Variants in RBFOX3 observed in about 807,000 individuals in gnomAD.
The protein encoded by RBFOX3 is RNA binding fox-1 homolog 3, also known as RNA binding protein fox-1 homolog 3.
A neutral mutation model predicts 48.7 loss-of-function variants in RBFOX3; 17 were observed. The ratio of observed to expected loss-of-function variants is 0.35; its 90% CI spans 0.24 to 0.52. The LOEUF (loss-of-function observed/expected upper bound fraction) is 0.52. Ranked by LOEUF, RBFOX3 falls within the 20% of genes least tolerant of loss-of-function variation. RBFOX3 has a pLI of 0.94. For missense variants in RBFOX3, 382 were observed against 497.5 expected (o/e 0.77, Z 2.21); for synonymous variants, 212 against 209.5 (o/e 1.01, Z -0.10).
At chr17:79,648,107 T>C in the RBFOX3 span, among the ~76,000 whole-genome samples, 3 of 152,170 alleles carry the variant, frequency 2.0e-5, no homozygotes, top group Non-Finnish European at 4.4e-5. Flanking sequence ...GGTGCAGTAG[T>C]GGGCACTGCT....
intron 3 of RBFOX3, among the ~76,000 whole-genome samples, chr17:79,269,842 C>T (rs1180810203): frequency 1.3e-5 from 2 of 151,018 alleles, no homozygotes; most frequent in Non-Finnish European, 2.9e-5. Flanking sequence ...CAAGGTGAGC[C>T]CCACCACTGC....
intron 2 of RBFOX3, among the ~76,000 whole-genome samples, chr17:79,397,196 G>A (rs1444373139): frequency 6.6e-6 from 1 of 152,158 alleles, no homozygotes; most frequent in Non-Finnish European, 1.5e-5. Flanking sequence ...CTTTTAAGAA[G>A]CGTGGGCTGG....
chr17:79,591,083 C>T (rs1488449876), intron 1 of RBFOX3, among the ~76,000 whole-genome samples: 1 of 152,228 alleles, frequency 6.6e-6, no homozygotes, highest in Non-Finnish European at 1.5e-5. Flanking sequence ...GCCCCTTCCT[C>T]CCAAGCCTGC....
At chr17:79,349,798 C>G (rs1400939150) in intron 2 of RBFOX3, among the ~76,000 whole-genome samples, 1 of 151,802 alleles carries the variant, frequency 6.6e-6, no homozygotes, top group Non-Finnish European at 1.5e-5. Flanking sequence ...CCAGCAGGGC[C>G]TTGCCTCCTA....
At chr17:79,320,403 G>A (rs1378448644) in intron 2 of RBFOX3, among the ~76,000 whole-genome samples, 2 of 152,258 alleles carry the variant, frequency 1.3e-5, no homozygotes, top group East Asian at 3.8e-4. Flanking sequence ...CCCACGTCGT[G>A]CCACTTGGGG....
In RBFOX3 at chr17:79,090,558, C is replaced by G. The variant is rs879440397; in HGVS notation, c.*325G>C. The G allele has an allele frequency of 2.2e-5, 8 of 366,686 alleles. No individual in the cohort carries two copies. Among genetic ancestry groups the G allele is most frequent in the African/African-American group, 4.2e-5 (2 of 47,384 alleles). The allele number at this position is 366,686 out of a possible 1,614,324, so 22.7% of individuals were successfully genotyped here. On this transcript the variant is annotated 3_prime_UTR_variant, in exon 15 of 15. Transcript: ENST00000693108. The stretch of plus-strand genomic sequence containing the variant: ...AGACTGGATGGAAAACAGAGCCCCC[C>G]ACGGGTCCCACAAGGGAGGCCCCTT...
intron 9 of RBFOX3, among the ~76,000 whole-genome samples, chr17:79,100,788 G>A (rs1252163537): frequency 1.3e-5 from 2 of 152,192 alleles, no homozygotes; most frequent in African/African-American, 4.8e-5. Context: ...GTTAAGACTC[G>A]CAGTGGCCAC....
chr17:79,533,235 G>A (rs997502619), intron 1 of RBFOX3, among the ~76,000 whole-genome samples: 3 of 152,210 alleles, frequency 2.0e-5, no homozygotes, highest in Non-Finnish European at 4.4e-5. Context: ...CTGGTAGGAC[G>A]GTCCCAGGGC....
At chr17:79,448,726 A>G (rs577871035) in intron 2 of RBFOX3, among the ~76,000 whole-genome samples, 1 of 152,212 alleles carries the variant, frequency 6.6e-6, no homozygotes, top group African/African-American at 2.4e-5. Flanking sequence ...AGACATACTC[A>G]AGGACTGGGG....
chr17:79,141,145 G>A (rs1568212348), intron 4 of RBFOX3, among the ~76,000 whole-genome samples: 1 of 152,226 alleles, frequency 6.6e-6, no homozygotes, highest in Non-Finnish European at 1.5e-5. Context: ...CAGGCAGAAC[G>A]GAGGCCTGAG....
intron 4 of RBFOX3, among the ~76,000 whole-genome samples, chr17:79,208,200 C>CT (rs1374755102): frequency 6.6e-6 from 1 of 152,236 alleles, no homozygotes; most frequent in Non-Finnish European, 1.5e-5. Context: ...GGGTCTCCAG[C>CT]TGTCAGCCCC....
intron 1 of RBFOX3, among the ~76,000 whole-genome samples, chr17:79,555,968 A>G (rs2143931602): frequency 6.6e-6 from 1 of 152,286 alleles, no homozygotes; most frequent in East Asian, 1.9e-4. Context: ...CAATGTCACC[A>G]AAACCCAATA....
the RBFOX3 span, among the ~76,000 whole-genome samples, chr17:79,618,012 G>T: frequency 2.6e-5 from 4 of 152,312 alleles, no homozygotes; most frequent in Middle Eastern, 6.8e-3. Flanking sequence ...GTGGCTTTCA[G>T]TTCTGACATT....
At chr17:79,318,738 C>T (rs964510304) in intron 2 of RBFOX3, among the ~76,000 whole-genome samples, 1 of 150,724 alleles carries the variant, frequency 6.6e-6, no homozygotes, top group African/African-American at 2.4e-5. Context: ...GCCTGCAGTC[C>T]CGGCTACTTG....
At chr17:79,280,650 G>A (rs1357395316) in intron 3 of RBFOX3, among the ~76,000 whole-genome samples, 3 of 152,204 alleles carry the variant, frequency 2.0e-5, no homozygotes, top group Non-Finnish European at 4.4e-5. Flanking sequence ...GAATTTAGAC[G>A]AAAGTCATTA....
intron 2 of RBFOX3, among the ~76,000 whole-genome samples, chr17:79,439,774 G>A (rs1282476935): frequency 1.3e-5 from 2 of 152,234 alleles, no homozygotes; most frequent in African/African-American, 2.4e-5. Context: ...GTACATGCAT[G>A]CACACACACA....
intron 10 of RBFOX3, 25 bp downstream of exon 10, chr17:79,097,667 A>T (rs1413906599): frequency 5.8e-6 from 6 of 1,031,798 alleles, no homozygotes; most frequent in South Asian, 2.9e-5. Flanking sequence ...GTCTCATCCC[A>T]TCCCCGCCCC....
chr17:79,457,421 A>T (rs2149223372), intron 2 of RBFOX3, among the ~76,000 whole-genome samples: 1 of 152,270 alleles, frequency 6.6e-6, no homozygotes, highest in African/African-American at 2.4e-5. Flanking sequence ...ATCTCCGCAA[A>T]TGTCATCGAC....
At chr17:79,579,494 C>T (rs2092974144) in intron 1 of RBFOX3, among the ~76,000 whole-genome samples, 1 of 152,118 alleles carries the variant, frequency 6.6e-6, no homozygotes, top group Non-Finnish European at 1.5e-5. Flanking sequence ...GGGACCTGCT[C>T]GGGGCAGGGC....
Sources: allele counts gnomAD v4.1 joint callset (sites outside exome capture counted in the v4.1 genomes callset), GRCh38; gene constraint gnomAD v4.1.1; transcripts MANE v1.5; gene names NCBI Gene and HGNC (gene_info 2026-07-23, HGNC 2026-07-21).